The following PRMT2 variants were observed in gnomAD, a reference collection of about 807,000 sequenced individuals.
PRMT2 encodes protein arginine methyltransferase 2, also known as protein arginine N-methyltransferase 2.
PRMT2 carries 26 observed loss-of-function variants against 57.6 expected under a neutral mutation model. That is an observed-to-expected ratio of 0.45 (90% CI 0.33 to 0.63). The LOEUF is 0.63. PRMT2 is among the 20% of genes least tolerant of loss of function. The probability of loss-of-function intolerance (pLI) is 0.02; values close to 1 mark genes in which losing one functional copy is unlikely to be tolerated. For missense variants in PRMT2, 472 were observed against 564.4 expected, an observed-to-expected ratio of 0.84 and a Z score of 1.66; for synonymous variants, 219 against 220.0, an observed-to-expected ratio of 1.00 and a Z score of 0.04.
At chr21:46,642,029 C>T (rs528791337) in intron 3 of PRMT2, among the ~76,000 whole-genome samples, 1 of 152,200 alleles carries the variant, frequency 6.6e-6, no homozygotes, top group African/African-American at 2.4e-5. Context: ...TGATTTTTAC[C>T]CATGAAATTG....
intron 8 of PRMT2, 92 bp from the exon 9 acceptor site, chr21:46,660,741 A>G: frequency 6.8e-7 from 1 of 1,470,356 alleles, no homozygotes; most frequent in Non-Finnish European, 9.3e-7. Context: ...GTGACACAGA[A>G]GGGAGAGCAC....
chr21:46,661,980 G>A, intron 10 of PRMT2, 44 bp downstream of exon 10: 1 of 932,560 alleles, frequency 1.1e-6, no homozygotes, highest in East Asian at 3.7e-5. Flanking sequence ...GTGGGGGGCA[G>A]GGGAGTAGGC....
At chr21:46,637,371 T>A (rs1166110621) in intron 3 of PRMT2, among the ~76,000 whole-genome samples, 1 of 152,234 alleles carries the variant, frequency 6.6e-6, no homozygotes, top group Non-Finnish European at 1.5e-5. Flanking sequence ...TTCATACTGT[T>A]TCTGCCTGGG....
intron 8 of PRMT2, 130 bp from the exon 9 acceptor site, chr21:46,660,703 G>C: frequency 8.2e-7 from 1 of 1,222,280 alleles, no homozygotes; most frequent in Non-Finnish European, 1.1e-6. Flanking sequence ...TGGGGTTCCA[G>C]GGCCCCAGAT....
At chr21:46,652,513 C>G in intron 7 of PRMT2, 1 of 985,380 alleles carries the variant, frequency 1.0e-6, no homozygotes, top group Non-Finnish European at 1.2e-6. Context: ...TGTTCAATGC[C>G]ACCAACAATT....
At chr21:46,640,088 A>G (rs2061244609) in intron 3 of PRMT2, among the ~76,000 whole-genome samples, 1 of 152,114 alleles carries the variant, frequency 6.6e-6, no homozygotes. Context: ...TCCTAATTCA[A>G]TTTCAGTCTT....
At chr21:46,660,030 G>A (rs1017264145) in intron 8 of PRMT2, 2 of 983,868 alleles carry the variant, frequency 2.0e-6, no homozygotes, top group Non-Finnish European at 2.4e-6. Context: ...GGGAATTTAA[G>A]CTTTTCTTTA....
intron 3 of PRMT2, among the ~76,000 whole-genome samples, chr21:46,637,962 C>G (rs1377868673): frequency 2.6e-5 from 4 of 151,872 alleles, no homozygotes; most frequent in African/African-American, 9.7e-5. Flanking sequence ...GAGACTTCAT[C>G]TCTTAAAAAA....
rs116875508 is a variant in PRMT2, at chr21:46,644,495, C to T, written c.327+7C>T. ...CGGCAGCTATGGAACTCTGGTATTG[C>T]TTTCTAAATTCCCTGTTCAGCTGGC... On this transcript the variant is annotated splice_region_variant and intron_variant, in intron 5 of 11. Coordinates refer to ENST00000355680, the MANE Select transcript of PRMT2 (RefSeq NM_206962.4). 13,524 of 1,568,184 alleles carry T rather than the reference C, an allele frequency of 8.6e-3. 83 individuals carry two copies. The highest frequency in any genetic ancestry group is 0.011 in the Non-Finnish European group (12,829 of 1,159,908).
At chr21:46,643,334 T>A (rs78162248) in intron 3 of PRMT2, 1 of 675,220 alleles carries the variant, frequency 1.5e-6, no homozygotes, top group Non-Finnish European at 1.9e-6. Flanking sequence ...GTCCAGATAA[T>A]TTTTTTTTTT....
Position 46,649,431 on chromosome 21 carries a change from A to C in PRMT2, c.490-144A>C. The stretch of plus-strand genomic sequence containing the variant: ...TGCCCCTGGAGGGGCAGGTGTGGCC[A>C]GTCCTCGCTGCCTCTGCTGTCTGGA... On this transcript the variant is annotated intron_variant, in intron 6 of 11. Coordinates refer to ENST00000355680, the MANE Select transcript of PRMT2 (RefSeq NM_206962.4). This position sits in a 1 kb window ranked among gnomAD's most constrained non-coding sequence, Gnocchi z 4.8. 7.6e-7 allele frequency: 1 copy of C among 1,324,360 alleles called. No homozygotes were observed. The highest frequency in any genetic ancestry group is 1.1e-6 in the Non-Finnish European group (1 of 938,034). 82.0% of individuals were successfully genotyped at this position (1,324,360 alleles called of 1,614,324 possible). A position where few individuals can be genotyped will look rare whatever the true frequency, so the allele number is the denominator to read the frequency against.
At chr21:46,661,672 C>A in intron 9 of PRMT2, 128 bp from the exon 10 acceptor site, 2 of 1,004,384 alleles carry the variant, frequency 2.0e-6, no homozygotes, top group Non-Finnish European at 2.6e-6. Flanking sequence ...TTTCCCCAGG[C>A]TGGGGGGCTT....
At position 46,649,899 on chromosome 21, in the gene PRMT2, G is replaced by C; in HGVS notation, c.654+160G>C. 1 of 1,463,538 alleles carries C rather than the reference G, an allele frequency of 6.8e-7. No homozygotes were observed. The highest frequency in any genetic ancestry group is 2.5e-5 in the East Asian group (1 of 39,904). The allele number at this position is 1,463,538 out of a possible 1,614,324, so 90.7% of individuals were successfully genotyped here. On this transcript the variant is annotated intron_variant, in intron 7 of 11. Coordinates refer to ENST00000355680, the MANE Select transcript of PRMT2 (RefSeq NM_206962.4). This position sits in a 1 kb window ranked among gnomAD's most constrained non-coding sequence, Gnocchi z 4.8. The stretch of plus-strand genomic sequence containing the variant: ...AATTTCTTGTGTGGACATTGGCTCA[G>C]TGTCTTGAATTTTCACCTGATTTAA...
intron 7 of PRMT2, chr21:46,657,259 T>A (rs1479133621): frequency 6.6e-6 from 1 of 152,132 alleles, no homozygotes; most frequent in East Asian, 1.9e-4. Context: ...TAGACTTGTA[T>A]GTGCACTCAC....
At position 46,663,462 on chromosome 21, in the gene PRMT2, G is replaced by T. The variant is rs201282635; in HGVS notation, c.1177G>T (p.Val393Phe). The stretch of plus-strand genomic sequence containing the variant: ...TACAGGAGACGTGGTCACGGGTTCA[G>T]TTGTGTTGCAGAGAAACCCAGTGTG... ...VHTGDVVTGS[V>F]VLQRNPVWRR... The change falls in exon 11 of 12, where the codon GTT becomes TTT. Residue 393 changes from valine (V) to phenylalanine (F), a missense_variant. Val to Phe is a conservative substitution (Grantham distance 50). Coordinates refer to ENST00000355680, the MANE Select transcript of PRMT2 (RefSeq NM_206962.4). The T allele has an allele frequency of 1.9e-6, 3 of 1,614,230 alleles. No homozygotes were observed. The highest frequency in any genetic ancestry group is 2.2e-5 in the South Asian group (2 of 91,092).
At position 46,664,499 on chromosome 21, in the gene PRMT2, C is replaced by T. The variant is rs930745420; in HGVS notation, c.*172C>T. 19 of 803,144 alleles carry T rather than the reference C, an allele frequency of 2.4e-5. No homozygotes were observed. Among genetic ancestry groups the T allele is most frequent in the South Asian group, 7.6e-5 (5 of 65,562 alleles). 49.8% of individuals were successfully genotyped at this position (803,144 alleles called of 1,614,324 possible). On this transcript the variant is annotated 3_prime_UTR_variant, in exon 12 of 12. Coordinates refer to ENST00000355680, the MANE Select transcript of PRMT2 (RefSeq NM_206962.4). ...CGTCAGGGTCCTTCACAGACAAACA[C>T]GCTTGGGCTCGGCAGGAGCTGCCGT... is the stretch of plus-strand genomic sequence containing the variant.
At position 46,663,455 on chromosome 21, in the gene PRMT2, G is replaced by A. The variant is rs761462903; in HGVS notation, c.1170G>A (p.Thr390=). ...PVPVHTGDVV[T]GSVVLQRNPV... is the part of the protein sequence containing the mutation. Reference sequence around the variant, plus strand: ...CTGTCCATACAGGAGACGTGGTCACGGGTTCAGTTGTGTTGCAGAGAAACC... The same window carrying A: ...CTGTCCATACAGGAGACGTGGTCACAGGTTCAGTTGTGTTGCAGAGAAACC... The change falls in exon 11 of 12, where the codon ACG becomes ACA. Residue 390 remains threonine, a synonymous_variant. Transcript: ENST00000355680. 11 of 1,614,086 alleles carry A rather than the reference G, an allele frequency of 6.8e-6. No homozygotes were observed. Among genetic ancestry groups the A allele is most frequent in the East Asian group, 6.7e-5 (3 of 44,892 alleles).
In PRMT2 at chr21:46,636,536, G is replaced by A. The variant is rs1274739940; in HGVS notation, c.-68G>A. The A allele has an allele frequency of 1.2e-5, 2 of 166,056 alleles. No individual in the cohort carries two copies. The highest frequency in any genetic ancestry group is 2.6e-5 in the Non-Finnish European group (2 of 77,076). The allele number at this position is 166,056 out of a possible 1,614,324, so 10.3% of individuals were successfully genotyped here. A position where few individuals can be genotyped will look rare whatever the true frequency, so the allele number is the denominator to read the frequency against. Reference sequence around the variant, plus strand: ...CTTGGTTCCTGTTAGTGGAAACACTGTAAGGTCCCAGGTAGGGACTTTTAA... The same window carrying A: ...CTTGGTTCCTGTTAGTGGAAACACTATAAGGTCCCAGGTAGGGACTTTTAA... On this transcript the variant is annotated 5_prime_UTR_variant, in exon 2 of 12. Transcript: ENST00000355680.
Position 46,643,564 on chromosome 21 carries a change from C to A in PRMT2, c.69C>A (p.Ala23=), listed in dbSNP as rs10854485. The A allele has an allele frequency of 1.4e-5, 22 of 1,607,338 alleles. No individual in the cohort carries two copies. The highest frequency in any genetic ancestry group is 6.8e-5 in the East Asian group (3 of 44,308). ...QGEEPAECSE[A]GLLQEGVQPE... Reference sequence around the variant, plus strand: ...AAGAGCCTGCTGAGTGCAGTGAGGCCGGTCTCCTGCAGGAGGGAGTACAGC... The same window carrying A: ...AAGAGCCTGCTGAGTGCAGTGAGGCAGGTCTCCTGCAGGAGGGAGTACAGC... Residue 23 remains alanine, a synonymous_variant, in exon 4 of 12, where the codon GCC becomes GCA. Coordinates refer to ENST00000355680, the MANE Select transcript of PRMT2 (RefSeq NM_206962.4).
Sources: gnomAD v4.1 joint callset for allele counts (sites outside exome capture counted in the v4.1 genomes callset) on GRCh38, gnomAD v4.1.1 for gene constraint, Gnocchi (gnomAD v3.1) non-coding constraint, MANE v1.5 for transcripts, NCBI Gene and HGNC (gene_info 2026-07-23, HGNC 2026-07-21) for gene names.